The following ENTR1 variants were observed in gnomAD, a reference collection of about 807,000 sequenced individuals.
ENTR1 encodes the protein endosome-associated-trafficking regulator 1.
In ENTR1, 47 loss-of-function variants were observed where a neutral mutation model predicts 47.9. The observed-to-expected ratio is 0.98, with a 90% confidence interval of 0.78 to 1.25. The LOEUF (loss-of-function observed/expected upper bound fraction) is 1.25. ENTR1 is among the 50% of genes most tolerant of loss of function. ENTR1 has a pLI of 0.00. For synonymous variants in ENTR1, 290 were observed against 245.8 expected, an observed-to-expected ratio of 1.18 and a Z score of -1.68; for missense variants, 668 against 570.5, an observed-to-expected ratio of 1.17 and a Z score of -1.74.
intron 8 of ENTR1, 57 bp from the exon 9 acceptor site, chr9:136,404,251 T>C: frequency 6.5e-7 from 1 of 1,548,296 alleles, no homozygotes; most frequent in Non-Finnish European, 8.7e-7. Context: ...CGGCTGAAAG[T>C]CACCACCTGG....
In ENTR1 at chr9:136,404,100, A is replaced by G; in HGVS notation, c.1163T>C (p.Leu388Pro). The change falls in exon 9 of 10, where the codon CTG becomes CCG. Residue 388 changes from leucine (L) to proline (P), a missense_variant. Physicochemically the swap from Leu to Pro is moderately conservative, Grantham distance 98 (BLOSUM62 -3). Transcript: ENST00000357365. ...TVVKQNADVA[L>P]QNLRVVMNSA... Reference sequence around the variant, plus strand: ...GTTCATGACCACCCGGAGGTTCTGCAGGGCCACGTCGGCGTTCTGCTTCAC... The same window carrying G: ...GTTCATGACCACCCGGAGGTTCTGCGGGGCCACGTCGGCGTTCTGCTTCAC... 1 of 1,613,312 alleles carries G rather than the reference A, an allele frequency of 6.2e-7. No individual in the cohort carries two copies. Among genetic ancestry groups the G allele is most frequent in the South Asian group, 1.1e-5 (1 of 91,050 alleles).
Position 136,405,911 on chromosome 9 carries a change from G to A in ENTR1, c.887C>T (p.Thr296Ile). The change falls in exon 6 of 10, where the codon ACA (threonine) becomes ATA (isoleucine). Residue 296 changes from threonine (T) to isoleucine (I), a missense_variant. Thr to Ile is a moderately conservative substitution (Grantham distance 89). Transcript: ENST00000357365. Reference sequence around the variant, plus strand: ...TAACTAAAAGCTTACATACATTTCTGTTTGAGCTTCAGAGAAGCTCTGAAC... The same window carrying A: ...TAACTAAAAGCTTACATACATTTCTATTTGAGCTTCAGAGAAGCTCTGAAC... ...NEVQSFSEAQ[T>I]EMVRTLERKL... is the part of the protein sequence containing the mutation. 3 of 1,592,034 alleles carry A rather than the reference G, an allele frequency of 1.9e-6. No homozygotes were observed. The highest frequency in any genetic ancestry group is 1.1e-5 in the South Asian group (1 of 87,588).
intron 3 of ENTR1, 27 bp from the exon 4 acceptor site, chr9:136,407,965 TAA>T (rs762181321): frequency 3.5e-6 from 5 of 1,429,944 alleles, no homozygotes; most frequent in Non-Finnish European, 4.9e-6. Context: ...CACAAATGCA[TAA>T]AGTCTACTGA....
At chr9:136,405,278 C>T (rs1834712927) in intron 6 of ENTR1, 76 bp from the exon 7 acceptor site, 1 of 1,164,548 alleles carries the variant, frequency 8.6e-7, no homozygotes, top group Admixed American at 1.7e-5. Flanking sequence ...CCTCATGAGC[C>T]AGATAAAACC....
Position 136,409,048 on chromosome 9 carries a change from C to G in ENTR1, c.240G>C (p.Gly80=). The stretch of plus-strand genomic sequence containing the variant: ...CTGACGGGCTCTGCTTAGAACATTT[C>G]CCCTTTCCATAGCCAAAATCTGCAA... The part of the protein sequence containing the change: ...VGDTDFGYGK[G]KCSKQSPSGA... The change falls in exon 3 of 10, where the codon GGG becomes GGC. Residue 80 remains glycine, a synonymous_variant. Transcript: ENST00000357365. 1 of 1,613,986 alleles carries G rather than the reference C, an allele frequency of 6.2e-7. No homozygotes were observed.
chr9:136,407,968 A>G (rs1292036768), intron 3 of ENTR1, 30 bp from the exon 4 acceptor site: 3 of 1,402,926 alleles, frequency 2.1e-6, no homozygotes, highest in Non-Finnish European at 2.0e-6. Flanking sequence ...AAATGCATAA[A>G]GTCTACTGAA....
chr9:136,409,947 C>A, intron 2 of ENTR1, 143 bp downstream of exon 2: 1 of 1,014,362 alleles, frequency 9.9e-7, no homozygotes, highest in Non-Finnish European at 1.5e-6. Flanking sequence ...GCAGGGGACT[C>A]CGCCTTTGAA....
At position 136,404,708 on chromosome 9, in the gene ENTR1, AG is replaced by A. The variant is rs1366739648; in HGVS notation, c.1006-16del. On this transcript the variant is annotated splice_polypyrimidine_tract_variant and intron_variant, in intron 7 of 9. Coordinates refer to ENST00000357365, the MANE Select transcript of ENTR1 (RefSeq NM_001039707.2). ...ACAGCCCGTTTCTGTTACCCAAAAA[AG>A]AAAAACCACAAAAAGCATCACTGAT... The A allele has an allele frequency of 1.9e-6, 3 of 1,613,788 alleles. No individual in the cohort carries two copies. Among genetic ancestry groups the A allele is most frequent in the African/African-American group, 1.3e-5 (1 of 74,920 alleles).
chr9:136,408,922 A>G (rs914877905), intron 3 of ENTR1, 77 bp downstream of exon 3: 40 of 1,208,962 alleles, frequency 3.3e-5, no homozygotes, highest in Non-Finnish European at 3.8e-5. Flanking sequence ...AGCCAGTCAC[A>G]TTGACAGTCC....
intron 5 of ENTR1, 192 bp downstream of exon 5, chr9:136,406,953 C>G (rs931368260): frequency 8.4e-6 from 5 of 598,636 alleles, no homozygotes; most frequent in Non-Finnish European, 1.2e-5. Context: ...CACCAGTCCT[C>G]TTTAGCCGGT....
intron 5 of ENTR1, chr9:136,406,893 G>C (rs768362600): frequency 7.3e-5 from 31 of 427,572 alleles, no homozygotes; most frequent in Non-Finnish European, 1.1e-4. Flanking sequence ...CCTTTACTGA[G>C]GGTACAGCCC....
At chr9:136,406,987 G>T in intron 5 of ENTR1, 158 bp downstream of exon 5, 1 of 715,050 alleles carries the variant, frequency 1.4e-6, no homozygotes. Flanking sequence ...GTAACCAGAA[G>T]CAAAGTCAAA....
chr9:136,410,164 G>T lies in ENTR1; in HGVS notation c.146C>A (p.Ser49Tyr). 9.9e-6 allele frequency: 16 copies of T among 1,612,058 alleles called. No homozygotes were observed. Among genetic ancestry groups the T allele is most frequent in the Non-Finnish European group, 1.4e-5 (16 of 1,179,682 alleles). Residue 49 changes from serine (S) to tyrosine (Y), a missense_variant, in exon 2 of 10, where the codon TCC becomes TAC. Transcript: ENST00000357365. ...GGCCGGCCGAATGCCGAAGAAGGGG[G>T]AGTCCAGGTCCCTGCCATGGGGGCG... ...CERPHGRDLDSPFFGIRPAFM... is the reference protein window; with the variant it reads ...CERPHGRDLDYPFFGIRPAFM...
In ENTR1 at chr9:136,404,165, A is replaced by G. The variant is rs1834647498; in HGVS notation, c.1098T>C (p.Asn366=). The G allele has an allele frequency of 1.2e-6, 2 of 1,611,830 alleles. No homozygotes were observed. The highest frequency in any genetic ancestry group is 1.7e-6 in the Non-Finnish European group (2 of 1,179,176). The part of the protein sequence containing the change: ...QAQVSNFQRE[N]EALRCGQGAS... ...CACCCTGGCCGCACCGCAGGGCTTC[A>G]TTCTCTCGCTGGAAGTTGGAGACCT... The change falls in exon 9 of 10, where the codon AAT becomes AAC. Residue 366 remains asparagine, a synonymous_variant. Transcript: ENST00000357365.
Position 136,410,391 on chromosome 9 carries a change from C to T in ENTR1, c.7G>A (p.Gly3Ser), listed in dbSNP as rs1227642676. 1.4e-6 allele frequency: 2 copies of T among 1,392,326 alleles called. No individual in the cohort carries two copies. 86.2% of individuals were successfully genotyped at this position (1,392,326 alleles called of 1,614,324 possible). A position where few individuals can be genotyped will look rare whatever the true frequency, so the allele number is the denominator to read the frequency against. ...GTGGCGCCCGGGCGGCGCTGGTAGC[C>T]CGACATCGCCGCCGGCCCGGCGGGG... MS[G>S]YQRRPGATPL... The change falls in exon 1 of 10, where the codon GGC becomes AGC. Residue 3 changes from glycine to serine, a missense_variant. Physicochemically the swap from Gly to Ser is moderately conservative, Grantham distance 56 (BLOSUM62 0). Transcript: ENST00000357365.
At chr9:136,407,105 G>A (rs773316163) in intron 5 of ENTR1, 40 bp downstream of exon 5, 1 of 1,543,280 alleles carries the variant, frequency 6.5e-7, no homozygotes, top group East Asian at 2.3e-5. Flanking sequence ...AAGCCGCTCG[G>A]ACAGGCGCTG....
chr9:136,410,217 C>G lies in ENTR1; in HGVS notation c.93G>C (p.Arg31=). The stretch of plus-strand genomic sequence containing the variant: ...CACAATTTAGCTGGGGGAGACAAGA[C>G]CGGCGCTCATAGAACGCTGGAGCTG... The part of the protein sequence containing the change: ...IPDAPAFYER[R]SCLPQLNCER... Residue 31 remains arginine, a synonymous_variant, in exon 2 of 10, where the codon CGG becomes CGC. Coordinates refer to ENST00000357365, the MANE Select transcript of ENTR1 (RefSeq NM_001039707.2). The G allele has an allele frequency of 6.3e-7, 1 of 1,590,492 alleles. No homozygotes were observed. The highest frequency in any genetic ancestry group is 8.5e-7 in the Non-Finnish European group (1 of 1,169,766).
chr9:136,406,423 C>T (rs960545582), intron 5 of ENTR1, among the ~76,000 whole-genome samples: 2 of 149,862 alleles, frequency 1.3e-5, no homozygotes, highest in Admixed American at 6.6e-5. Flanking sequence ...GAGCCGAGAT[C>T]GTGCCACTCC....
At chr9:136,409,282 G>A (rs1319667549) in intron 2 of ENTR1, among the ~76,000 whole-genome samples, 2 of 151,642 alleles carry the variant, frequency 1.3e-5, no homozygotes, top group East Asian at 3.9e-4. Context: ...CTGGGTTCAC[G>A]CCATTCTCCT....
Sources: gnomAD v4.1 joint callset for allele counts (sites outside exome capture counted in the v4.1 genomes callset) on GRCh38, gnomAD v4.1.1 for gene constraint, MANE v1.5 for transcripts, NCBI Gene and HGNC (gene_info 2026-07-23, HGNC 2026-07-21) for gene names.